Variants in OCLN observed in about 807,000 individuals in gnomAD.
OCLN encodes the protein phosphatase 1, regulatory subunit 115.
OCLN carries 21 observed loss-of-function variants against 47.9 expected under a neutral mutation model. That is an observed-to-expected ratio of 0.44 (90% CI 0.31 to 0.63). The LOEUF (loss-of-function observed/expected upper bound fraction) is 0.63, where lower values mean the gene tolerates loss of function less well. Ranked by LOEUF, OCLN falls within the 30% of genes least tolerant of loss-of-function variation. The probability of loss-of-function intolerance (pLI) is 0.08; values close to 1 mark genes in which losing one functional copy is unlikely to be tolerated. For missense variants in OCLN, 360 were observed against 571.0 expected (o/e 0.63, Z 3.77); for synonymous variants, 117 against 198.4 (o/e 0.59, Z 3.45).
In OCLN at chr5:69,493,912, A is replaced by T. The variant is rs571014505; in HGVS notation, c.-69+1012A>T. 6.6e-6 allele frequency among the ~76,000 whole-genome samples: 1 copy of T among 152,306 alleles called. No homozygotes were observed. The highest frequency in any genetic ancestry group is 2.4e-5 in the African/African-American group (1 of 41,574). On this transcript the variant is annotated intron_variant, in intron 1 of 8. Transcript: ENST00000396442. This position sits in a 1 kb window ranked among gnomAD's most constrained non-coding sequence, Gnocchi z 5.3. ...GGGAAGCCACCGGGCCCGAGGGAAA[A>T]GCCGCGGCATCCTTAGGCCGGACCC... is the stretch of plus-strand genomic sequence containing the variant.
At chr5:69,516,061 C>G (rs1768956941) in intron 4 of OCLN, among the ~76,000 whole-genome samples, 1 of 148,554 alleles carries the variant, frequency 6.7e-6, no homozygotes, top group Admixed American at 6.7e-5. Flanking sequence ...GATGGGCGGC[C>G]AGGCAGAGAC....
At chr5:69,520,571 C>T (rs1769108072) in intron 4 of OCLN, among the ~76,000 whole-genome samples, 1 of 152,196 alleles carries the variant, frequency 6.6e-6, no homozygotes, top group Non-Finnish European at 1.5e-5. Flanking sequence ...GGATTACAGG[C>T]GTGAGCCACC....
chr5:69,553,805 A>G lies in OCLN; in HGVS notation c.*134A>G, dbSNP rs1769899688. The G allele has an allele frequency of 1.4e-6, 2 of 1,412,846 alleles. No individual in the cohort carries two copies. The highest frequency in any genetic ancestry group is 2.0e-6 in the Non-Finnish European group (2 of 1,016,496). The allele number at this position is 1,412,846 out of a possible 1,614,324, so 87.5% of individuals were successfully genotyped here. A position where few individuals can be genotyped will look rare whatever the true frequency, so the allele number is the denominator to read the frequency against. On this transcript the variant is annotated 3_prime_UTR_variant, in exon 9 of 9. Transcript: ENST00000396442. Reference sequence around the variant, plus strand: ...ATCACAAAGTTTTGGTTGCTTTAACATCATCAGTATTGAAGCATTTTATAA... The same window carrying G: ...ATCACAAAGTTTTGGTTGCTTTAACGTCATCAGTATTGAAGCATTTTATAA...
At chr5:69,520,018 G>A (rs1769089141) in intron 4 of OCLN, among the ~76,000 whole-genome samples, 2 of 152,192 alleles carry the variant, frequency 1.3e-5, no homozygotes, top group Non-Finnish European at 2.9e-5. Flanking sequence ...GAGTGCGATG[G>A]CACGATCTCA....
intron 4 of OCLN, among the ~76,000 whole-genome samples, chr5:69,525,606 C>T (rs1011028873): frequency 6.6e-6 from 1 of 152,078 alleles, no homozygotes; most frequent in African/African-American, 2.4e-5. Context: ...TACCTTTTGG[C>T]AATTGCTGAG....
At chr5:69,502,054 C>T (rs1768472651) in intron 1 of OCLN, among the ~76,000 whole-genome samples, 1 of 152,054 alleles carries the variant, frequency 6.6e-6, no homozygotes, top group African/African-American at 2.4e-5. Context: ...AAACAATTAG[C>T]CGGGCGTGGC....
intron 4 of OCLN, among the ~76,000 whole-genome samples, chr5:69,517,417 T>A (rs995035421): frequency 6.6e-5 from 10 of 151,810 alleles, no homozygotes; most frequent in Admixed American, 6.6e-4. Flanking sequence ...TTCAAGAGAT[T>A]CTCCTGCCTT....
intron 2 of OCLN, among the ~76,000 whole-genome samples, chr5:69,505,400 C>A (rs1429305653): frequency 1.3e-5 from 2 of 152,186 alleles, no homozygotes; most frequent in Non-Finnish European, 2.9e-5. Flanking sequence ...TAGAACATTT[C>A]ATTACTCTCC....
At chr5:69,506,864 T>C (rs1254368782) in intron 2 of OCLN, among the ~76,000 whole-genome samples, 1 of 152,236 alleles carries the variant, frequency 6.6e-6, no homozygotes, top group East Asian at 1.9e-4. Flanking sequence ...AATGCACCAC[T>C]AATCTGACAC....
At chr5:69,496,867 C>T (rs1327380835) in intron 1 of OCLN, among the ~76,000 whole-genome samples, 2 of 152,110 alleles carry the variant, frequency 1.3e-5, no homozygotes, top group Non-Finnish European at 2.9e-5. Flanking sequence ...CCCTTTTGCC[C>T]CCGACTCTAA....
chr5:69,499,531 C>T (rs1768395553), intron 1 of OCLN, among the ~76,000 whole-genome samples: 1 of 152,092 alleles, frequency 6.6e-6, no homozygotes, highest in African/African-American at 2.4e-5. Context: ...TCAGGATAAC[C>T]ACCTTATGAT....
chr5:69,537,189 CTTTT>C (rs1157355945), intron 5 of OCLN, among the ~76,000 whole-genome samples: 1 of 80,560 alleles, frequency 1.2e-5, no homozygotes, highest in Non-Finnish European at 2.4e-5. Flanking sequence ...ATTCTATAAG[CTTTT>C]TTTTTTTTTT....
At chr5:69,518,147 G>A (rs893037392) in intron 4 of OCLN, among the ~76,000 whole-genome samples, 1 of 152,152 alleles carries the variant, frequency 6.6e-6, no homozygotes, top group African/African-American at 2.4e-5. Flanking sequence ...TTATGGAGGT[G>A]ATGATGATTA....
chr5:69,533,180 A>G (rs1769495421), intron 4 of OCLN, among the ~76,000 whole-genome samples: 1 of 151,132 alleles, frequency 6.6e-6, no homozygotes, highest in South Asian at 2.1e-4. Context: ...TGTGCTTTTT[A>G]TGTTTAAATT....
At chr5:69,519,036 G>A (rs1330333525) in intron 4 of OCLN, among the ~76,000 whole-genome samples, 1 of 152,138 alleles carries the variant, frequency 6.6e-6, no homozygotes, top group African/African-American at 2.4e-5. Flanking sequence ...TGCTTGGGAA[G>A]CTGAAGTGGG....
intron 4 of OCLN, among the ~76,000 whole-genome samples, chr5:69,516,369 C>T (rs1299246400): frequency 2.6e-5 from 4 of 152,158 alleles, no homozygotes; most frequent in East Asian, 3.9e-4. Flanking sequence ...TGGTGGCGCG[C>T]GCCTGCAATC....
At chr5:69,512,023 CAA>C (rs758425657) in intron 3 of OCLN, among the ~76,000 whole-genome samples, 94 of 33,874 alleles carry the variant, frequency 2.8e-3, no homozygotes, top group African/African-American at 0.012. Context: ...AACTCTGTCT[CAA>C]AAAAAAAAAA....
At position 69,514,056 on chromosome 5, in the gene OCLN, T is replaced by C; in HGVS notation, c.838T>C (p.Leu280=). The C allele has an allele frequency of 6.2e-7, 1 of 1,614,142 alleles. No homozygotes were observed. The highest frequency in any genetic ancestry group is 8.5e-7 in the Non-Finnish European group (1 of 1,179,976). The change falls in exon 4 of 9, where the codon TTG becomes CTG. Residue 280 remains leucine, a synonymous_variant. Transcript: ENST00000396442. ...KMDRYDKSNI[L]WDKEHIYDEQ... ...GGACAGGTATGACAAGTCCAATATTTTGTGGGACAAGGAACACATTTATGA... is the reference window on the plus strand; with the variant it reads ...GGACAGGTATGACAAGTCCAATATTCTGTGGGACAAGGAACACATTTATGA...
chr5:69,512,757 T>C (rs997969527), intron 3 of OCLN, among the ~76,000 whole-genome samples: 1 of 152,240 alleles, frequency 6.6e-6, no homozygotes, highest in Admixed American at 6.5e-5. Flanking sequence ...TGTAAGTTAG[T>C]ATGTTTAAAA....
Sources: allele counts gnomAD v4.1 joint callset (sites outside exome capture counted in the v4.1 genomes callset), GRCh38; gene constraint gnomAD v4.1.1; non-coding constraint Gnocchi (gnomAD v3.1); transcripts MANE v1.5; gene names NCBI Gene and HGNC (gene_info 2026-07-23, HGNC 2026-07-21).